VWCE: variants seen among roughly 807,000 people sequenced by gnomAD.
VWCE encodes the protein von Willebrand factor C and EGF domain-containing protein.
A neutral mutation model predicts 102.9 loss-of-function variants in VWCE; 68 were observed. The observed-to-expected ratio is 0.66, with a 90% confidence interval of 0.54 to 0.81. The LOEUF is 0.81. Among genes scored for constraint, VWCE ranks in the 30% least tolerant of loss-of-function variants. VWCE has a pLI of 0.00. For missense variants in VWCE, 1,137 were observed against 1,263.6 expected (o/e 0.90, Z 1.52); for synonymous variants, 497 against 515.4 (o/e 0.96, Z 0.48).
Position 61,259,100 on chromosome 11 carries a change from T to C in VWCE, c.2443A>G (p.Thr815Ala). 1.2e-6 allele frequency: 2 copies of C among 1,614,062 alleles called. No individual in the cohort carries two copies. The highest frequency in any genetic ancestry group is 1.7e-6 in the Non-Finnish European group (2 of 1,179,982). The change falls in exon 20 of 20, where the codon ACA becomes GCA. Residue 815 changes from threonine (T) to alanine (A), a missense_variant. Thr to Ala is a moderately conservative substitution (Grantham distance 58, BLOSUM62 0). This residue lies in a region of VWCE where 316 missense variants were observed against 319.3 expected (regional missense o/e 0.99). Coordinates refer to ENST00000335613, the MANE Select transcript of VWCE (RefSeq NM_152718.2). ...GGACCATGAGCTCCTGCCGGGCTTG[T>C]AGGTAAAGTCTGTGTTTTCATCAAG... ...TNLMKTQTLP[T>A]SPAGAHGPHS...
intron 1 of VWCE, among the ~76,000 whole-genome samples, chr11:61,293,891 G>A (rs1855590082): frequency 6.6e-6 from 1 of 152,208 alleles, no homozygotes. Flanking sequence ...GAAGAAAGGG[G>A]GGGCCCTCCT....
Position 61,273,325 on chromosome 11 carries a change from G to C in VWCE, c.1582-9C>G. 6.2e-7 allele frequency: 1 copy of C among 1,605,512 alleles called. No homozygotes were observed. Among genetic ancestry groups the C allele is most frequent in the South Asian group, 1.1e-5 (1 of 90,366 alleles). On this transcript the variant is annotated splice_polypyrimidine_tract_variant and intron_variant, in intron 12 of 19. Coordinates refer to ENST00000335613, the MANE Select transcript of VWCE (RefSeq NM_152718.2). ...CACTCCACCTCCCCATTCTGGAAGA[G>C]AGCCCAGGCACAGAATGATGAGGGC... is the stretch of plus-strand genomic sequence containing the variant.
chr11:61,269,177 G>A (rs375980216), intron 14 of VWCE, 159 bp from the exon 15 acceptor site: 26 of 634,114 alleles, frequency 4.1e-5, no homozygotes, highest in African/African-American at 3.1e-4. Context: ...AAAGAGGATC[G>A]GCTACTTGAG....
chr11:61,280,165 C>T (rs1386031256), intron 9 of VWCE, among the ~76,000 whole-genome samples: 5 of 151,978 alleles, frequency 3.3e-5, no homozygotes, highest in African/African-American at 7.3e-5. Context: ...CAGCAGATGG[C>T]GGGGGCGAGT....
chr11:61,287,245 G>C (rs539817328), intron 4 of VWCE, among the ~76,000 whole-genome samples: 1 of 152,090 alleles, frequency 6.6e-6, no homozygotes, highest in East Asian at 1.9e-4. Context: ...CTGCACCCCA[G>C]GAAAAAAGAG....
intron 1 of VWCE, among the ~76,000 whole-genome samples, chr11:61,292,551 C>G (rs1235265332): frequency 6.6e-6 from 1 of 152,100 alleles, no homozygotes; most frequent in Non-Finnish European, 1.5e-5. Flanking sequence ...GGTGACATCT[C>G]TTGGGTGGGT....
chr11:61,291,537 C>A lies in VWCE; in HGVS notation c.150G>T (p.Gly50=). 6.7e-7 allele frequency: 1 copy of A among 1,486,876 alleles called. No homozygotes were observed. The highest frequency in any genetic ancestry group is 2.5e-5 in the East Asian group (1 of 40,488). The allele number at this position is 1,486,876 out of a possible 1,614,324, so 92.1% of individuals were successfully genotyped here. Residue 50 remains glycine, a synonymous_variant, in exon 2 of 20, where the codon GGG becomes GGT. Coordinates refer to ENST00000335613, the MANE Select transcript of VWCE (RefSeq NM_152718.2). ...LGPHVCLSGF[G]SGCCPGWAPS... ...GCGCCCAGCCAGGGCAGCAGCCACTCCCAAACCCAGAGAGGCAGACGTGGG... is the reference window on the plus strand; with the variant it reads ...GCGCCCAGCCAGGGCAGCAGCCACTACCAAACCCAGAGAGGCAGACGTGGG...
intron 13 of VWCE, among the ~76,000 whole-genome samples, chr11:61,272,585 A>C (rs1854753709): frequency 6.6e-6 from 1 of 151,748 alleles, no homozygotes; most frequent in African/African-American, 2.4e-5. Flanking sequence ...GAAACACAGA[A>C]ACACACACAC....
chr11:61,272,136 A>G (rs1854731268), intron 13 of VWCE, among the ~76,000 whole-genome samples: 1 of 151,642 alleles, frequency 6.6e-6, no homozygotes, highest in Admixed American at 6.6e-5. Context: ...ACACACACAT[A>G]CTCATACAAA....
At chr11:61,277,193 C>T (rs922310830) in intron 10 of VWCE, among the ~76,000 whole-genome samples, 32 of 150,462 alleles carry the variant, frequency 2.1e-4, no homozygotes, top group African/African-American at 7.3e-4. Flanking sequence ...AGGGAGGGAA[C>T]TTGACTGCTG....
rs1038609708 is a variant in VWCE, at chr11:61,295,168, A to C, written c.-131T>G. On this transcript the variant is annotated 5_prime_UTR_variant, in exon 1 of 20. Coordinates refer to ENST00000335613, the MANE Select transcript of VWCE (RefSeq NM_152718.2). The surrounding 1 kb of genome is among the most constrained non-coding windows in gnomAD (Gnocchi z 4.6). ...CAGCGATCCCCGAAATGGCACGCAG[A>C]GCTGAGCAGGGGGGCTTGGGACGCC... 5 of 513,542 alleles carry C rather than the reference A, an allele frequency of 9.7e-6. No individual in the cohort carries two copies. The highest frequency in any genetic ancestry group is 4.0e-5 in the African/African-American group (2 of 49,950). The allele number at this position is 513,542 out of a possible 1,614,324, so 31.8% of individuals were successfully genotyped here.
intron 11 of VWCE, 123 bp from the exon 12 acceptor site, chr11:61,274,707 G>C: frequency 1.4e-6 from 1 of 716,376 alleles, no homozygotes; most frequent in Non-Finnish European, 2.3e-6. Flanking sequence ...TCCACAGCAT[G>C]CTCCGTGCCC....
At chr11:61,261,783 C>G (rs1227570957) in intron 19 of VWCE, among the ~76,000 whole-genome samples, 1 of 143,170 alleles carries the variant, frequency 7.0e-6, no homozygotes, top group Non-Finnish European at 1.5e-5. Context: ...CCAGCCTGGG[C>G]AACAGAGTGA....
chr11:61,265,310 A>G, intron 16 of VWCE, 98 bp from the exon 17 acceptor site: 1 of 1,127,312 alleles, frequency 8.9e-7, no homozygotes, highest in Non-Finnish European at 1.2e-6. Context: ...GTCCATCAGA[A>G]CAATCAACAT....
intron 18 of VWCE, 127 bp from the exon 19 acceptor site, chr11:61,264,704 C>T: frequency 9.3e-7 from 1 of 1,079,014 alleles, no homozygotes; most frequent in Non-Finnish European, 1.3e-6. Context: ...GGCTGCAGTG[C>T]CTGAGCCCTC....
At chr11:61,268,218 C>T (rs1854568718) in intron 15 of VWCE, among the ~76,000 whole-genome samples, 1 of 151,948 alleles carries the variant, frequency 6.6e-6, no homozygotes, top group African/African-American at 2.4e-5. Flanking sequence ...TAGGTCCTTG[C>T]TAATATTCTT....
intron 3 of VWCE, 50 bp downstream of exon 3, chr11:61,291,214 C>A (rs1314501524): frequency 1.3e-6 from 2 of 1,491,706 alleles, no homozygotes; most frequent in South Asian, 2.7e-5. Context: ...AGGACATAAC[C>A]TCAATGCTCA....
At chr11:61,274,419 C>T in intron 12 of VWCE, 80 bp downstream of exon 12, 1 of 1,361,108 alleles carries the variant, frequency 7.3e-7, no homozygotes. Flanking sequence ...TTCTCCTAGT[C>T]ATGTCAACCT....
chr11:61,277,863 G>C (rs1350626701), intron 10 of VWCE, among the ~76,000 whole-genome samples: 3 of 151,960 alleles, frequency 2.0e-5, no homozygotes, highest in African/African-American at 7.3e-5. Context: ...TTTTAAGACA[G>C]AGGCTCGCTC....
Sources: gnomAD v4.1 joint callset for allele counts (sites outside exome capture counted in the v4.1 genomes callset) on GRCh38, gnomAD v4.1.1 for gene constraint, gnomAD v4.1.1 regional missense constraint, Gnocchi (gnomAD v3.1) non-coding constraint, MANE v1.5 for transcripts, NCBI Gene and HGNC (gene_info 2026-07-23, HGNC 2026-07-21) for gene names.